The following ARHGAP31 variants were observed in gnomAD, a reference collection of about 807,000 sequenced individuals.
ARHGAP31 encodes the protein Rho GTPase activating protein 31, also known as rho GTPase-activating protein 31.
In ARHGAP31, 34 loss-of-function variants were observed where a neutral mutation model predicts 113.9. That is an observed-to-expected ratio of 0.30 (90% CI 0.23 to 0.40). The LOEUF is 0.40. Ranked by LOEUF, ARHGAP31 falls within the 10% of genes least tolerant of loss-of-function variation. The probability of loss-of-function intolerance (pLI) is 1.00; values close to 1 mark genes in which losing one functional copy is unlikely to be tolerated. For missense variants in ARHGAP31, 1,548 were observed against 1,767.1 expected, an observed-to-expected ratio of 0.88 and a Z score of 2.22; for synonymous variants, 650 against 684.8, an observed-to-expected ratio of 0.95 and a Z score of 0.79.
In ARHGAP31 at chr3:119,368,441, G is replaced by A. The variant is rs774012209; in HGVS notation, c.273G>A (p.Val91=). 2.5e-6 allele frequency: 4 copies of A among 1,614,018 alleles called. No individual in the cohort carries two copies. The highest frequency in any genetic ancestry group is 2.7e-5 in the African/African-American group (2 of 74,900). ...REVYLQDIHC[V]GSLCKLYFRE... Reference sequence around the variant, plus strand: ...TGTACCTCCAGGACATCCACTGTGTGGGCTCGCTTTGCAAGCTCTACTTTA... The same window carrying A: ...TGTACCTCCAGGACATCCACTGTGTAGGCTCGCTTTGCAAGCTCTACTTTA... Residue 91 remains valine (V), a synonymous_variant, in exon 3 of 12, where the codon GTG becomes GTA. Transcript: ENST00000264245.
rs115641810 is a variant in ARHGAP31 at position 119,419,696 on chromosome 3, G to A, written c.*3432G>A. The A allele has an allele frequency of 1.7e-3, 254 of 152,262 alleles. No individual in the cohort carries two copies. Among genetic ancestry groups the A allele is most frequent in the African/African-American group, 5.8e-3 (243 of 41,540 alleles). The allele number at this position is 152,262 out of a possible 1,614,324, so 9.4% of individuals were successfully genotyped here. On this transcript the variant is annotated 3_prime_UTR_variant, in exon 12 of 12. Transcript: ENST00000264245. ...AGCATCTTTTAATAGGATAGTTGACGGTATTCAAGTGACCTACTGACTCCA... is the reference window on the plus strand; with the variant it reads ...AGCATCTTTTAATAGGATAGTTGACAGTATTCAAGTGACCTACTGACTCCA...
chr3:119,410,421 G>T (rs946714407), intron 11 of ARHGAP31, among the ~76,000 whole-genome samples: 1 of 152,140 alleles, frequency 6.6e-6, no homozygotes, highest in Non-Finnish European at 1.5e-5. Context: ...CCAGAGGAGG[G>T]CACCAGAAAG....
chr3:119,326,710 G>A (rs957369985), intron 1 of ARHGAP31, among the ~76,000 whole-genome samples: 3 of 152,106 alleles, frequency 2.0e-5, no homozygotes, highest in Non-Finnish European at 4.4e-5. Flanking sequence ...GTTTTAGTGC[G>A]TTTTGCCACA....
rs886057796 is a variant in ARHGAP31 at position 119,294,729 on chromosome 3, C to CCGGCCCG, written c.-165_-159dup. The CCGGCCCG allele has an allele frequency of 4.5e-5, 30 of 660,716 alleles. No homozygotes were observed. The highest frequency in any genetic ancestry group is 7.2e-5 in the Non-Finnish European group (27 of 372,498). The allele number at this position is 660,716 out of a possible 1,614,324, so 40.9% of individuals were successfully genotyped here. ...GGCGCGGGGTGGATCTCAGGCTCTGCCGGCCCGCGGCCCGCGGGGTCCATG... is the reference window on the plus strand; with the variant it reads ...GGCGCGGGGTGGATCTCAGGCTCTGCCGGCCCGCGGCCCGCGGCCCGCGGGGTCCATG... On this transcript the variant is annotated 5_prime_UTR_variant, in exon 1 of 12. Transcript: ENST00000264245.
At chr3:119,343,194 C>T (rs1337833850) in intron 1 of ARHGAP31, among the ~76,000 whole-genome samples, 1 of 152,088 alleles carries the variant, frequency 6.6e-6, no homozygotes, top group Non-Finnish European at 1.5e-5. Flanking sequence ...ATTTATTGAG[C>T]TCCTAGTAGG....
At chr3:119,332,651 A>T (rs906335185) in intron 1 of ARHGAP31, among the ~76,000 whole-genome samples, 8 of 147,248 alleles carry the variant, frequency 5.4e-5, no homozygotes, top group South Asian at 4.4e-4. Context: ...ACACACACAC[A>T]CACACACACA....
At chr3:119,332,627 TCTCTCTCTCACACACACACACACA>T (rs1405004844) in intron 1 of ARHGAP31, among the ~76,000 whole-genome samples, 1 of 121,312 alleles carries the variant, frequency 8.2e-6, no homozygotes, top group Non-Finnish European at 1.6e-5. Context: ...TCTCTCTCTC[TCTCTCTCTCACACACACACACACA>T]CACACACACA....
chr3:119,320,335 G>A (rs1401461473), intron 1 of ARHGAP31, among the ~76,000 whole-genome samples: 1 of 152,162 alleles, frequency 6.6e-6, no homozygotes, highest in African/African-American at 2.4e-5. Flanking sequence ...CCCTATAGAA[G>A]AGGAATAGGC....
chr3:119,383,357 G>A (rs2080419860), intron 6 of ARHGAP31, 131 bp downstream of exon 6: 2 of 1,160,012 alleles, frequency 1.7e-6, no homozygotes, highest in Non-Finnish European at 2.6e-6. Context: ...GCTGACTACT[G>A]TGTGTCAGTG....
chr3:119,364,973 A>G (rs1490083067), intron 1 of ARHGAP31, among the ~76,000 whole-genome samples: 1 of 152,134 alleles, frequency 6.6e-6, no homozygotes, highest in East Asian at 1.9e-4. Context: ...GGGTGCCTGT[A>G]ATCCCAGCTA....
intron 1 of ARHGAP31, among the ~76,000 whole-genome samples, chr3:119,309,854 G>A (rs183936334): frequency 2.0e-4 from 31 of 152,128 alleles, no homozygotes; most frequent in Non-Finnish European, 1.5e-5. Context: ...GGGACCACTG[G>A]CTTAGACAAC....
At chr3:119,389,485 A>G (rs2080484935) in intron 6 of ARHGAP31, among the ~76,000 whole-genome samples, 1 of 152,216 alleles carries the variant, frequency 6.6e-6, no homozygotes, top group Non-Finnish European at 1.5e-5. Context: ...GGGTCAAAAG[A>G]CTGTGTTAAA....
At chr3:119,391,900 C>T (rs2080508169) in intron 7 of ARHGAP31, among the ~76,000 whole-genome samples, 1 of 152,130 alleles carries the variant, frequency 6.6e-6, no homozygotes, top group South Asian at 2.1e-4. Context: ...TCTTGAGACT[C>T]AGCCCCACTG....
chr3:119,359,138 C>G (rs1241816734), intron 1 of ARHGAP31, among the ~76,000 whole-genome samples: 1 of 151,942 alleles, frequency 6.6e-6, no homozygotes, highest in Non-Finnish European at 1.5e-5. Flanking sequence ...CTGCCTCAGC[C>G]TCCTGAGTAG....
intron 8 of ARHGAP31, among the ~76,000 whole-genome samples, chr3:119,395,411 T>G (rs2080542203): frequency 6.6e-6 from 1 of 152,328 alleles, no homozygotes; most frequent in Non-Finnish European, 1.5e-5. Context: ...ACAGGGGCTC[T>G]GTCATGATTT....
chr3:119,413,333 A>AG (rs2080735355), intron 11 of ARHGAP31, among the ~76,000 whole-genome samples: 3 of 151,756 alleles, frequency 2.0e-5, no homozygotes, highest in Non-Finnish European at 1.5e-5. Flanking sequence ...AAAAAAAAAA[A>AG]GAAAATTAAA....
chr3:119,323,671 C>A (rs1271800594), intron 1 of ARHGAP31, among the ~76,000 whole-genome samples: 1 of 152,152 alleles, frequency 6.6e-6, no homozygotes, highest in Non-Finnish European at 1.5e-5. Flanking sequence ...CTGGAGCAAG[C>A]CCTGTCCTCG....
chr3:119,372,689 T>C (rs908276712), intron 3 of ARHGAP31, among the ~76,000 whole-genome samples: 6 of 152,338 alleles, frequency 3.9e-5, no homozygotes, highest in South Asian at 2.1e-4. Flanking sequence ...ATAATAGCTG[T>C]CAATAATTGA....
chr3:119,301,877 T>G (rs1275194621), intron 1 of ARHGAP31, among the ~76,000 whole-genome samples: 2 of 152,182 alleles, frequency 1.3e-5, no homozygotes, highest in Non-Finnish European at 2.9e-5. Flanking sequence ...CATTGCTCAT[T>G]TCCTCCAGAA....
Sources: allele counts gnomAD v4.1 joint callset (sites outside exome capture counted in the v4.1 genomes callset), GRCh38; gene constraint gnomAD v4.1.1; transcripts MANE v1.5; gene names NCBI Gene and HGNC (gene_info 2026-07-23, HGNC 2026-07-21).